Variants in WDFY2 observed in about 807,000 individuals in gnomAD.
WDFY2 encodes the protein WD repeat and FYVE domain containing 2.
In WDFY2, 36 loss-of-function variants were observed where a neutral mutation model predicts 56.4. The ratio of observed to expected loss-of-function variants is 0.64; its 90% confidence interval spans 0.49 to 0.84. The LOEUF is 0.84. Ranked by LOEUF, WDFY2 falls within the 40% of genes least tolerant of loss-of-function variation. WDFY2 has a pLI of 0.00. For synonymous variants in WDFY2, 176 were observed against 183.7 expected, an observed-to-expected ratio of 0.96 and a Z score of 0.34; for missense variants, 444 against 512.2, an observed-to-expected ratio of 0.87 and a Z score of 1.29.
rs1953117625 is a variant in WDFY2, at chr13:51,746,950, G to A, written c.726-4360G>A. On this transcript the variant is annotated intron_variant, in intron 7 of 11. Coordinates refer to ENST00000298125, the MANE Select transcript of WDFY2 (RefSeq NM_052950.4). ...GCCATCTGCATCCAGACTAAAAAGG[G>A]TCCAGAAATCCAAGGAAATCCTGAC... 2.0e-5 allele frequency among the ~76,000 whole-genome samples: 3 copies of A among 152,326 alleles called. No homozygotes were observed. In the South Asian group the frequency reaches 6.2e-4, roughly 32 times the overall value.
In WDFY2 at chr13:51,626,817, CTG is replaced by C. The variant is rs779645380; in HGVS notation, c.138-33776_138-33775del. On this transcript the variant is annotated intron_variant, in intron 1 of 11. Transcript: ENST00000298125. The stretch of plus-strand genomic sequence containing the variant: ...GTGTTGCTTTGCCAGCCAGGAACCT[CTG>C]TGGCCAGTGGTGCCTTCTGCCTGAG... 2.0e-3 allele frequency among the ~76,000 whole-genome samples: 306 copies of C among 152,328 alleles called. 2 individuals carry two copies. The highest frequency in any genetic ancestry group is 3.4e-3 in the Non-Finnish European group (228 of 68,024).
intron 1 of WDFY2, among the ~76,000 whole-genome samples, chr13:51,651,666 G>T (rs1157277305): frequency 1.3e-5 from 2 of 152,132 alleles, no homozygotes; most frequent in African/African-American, 4.8e-5. Flanking sequence ...CCTTGATTTT[G>T]TTATGTACCC....
chr13:51,622,853 C>CTT (rs59372497), intron 1 of WDFY2, among the ~76,000 whole-genome samples: 89 of 130,918 alleles, frequency 6.8e-4, no homozygotes, highest in East Asian at 1.6e-3. Flanking sequence ...TAACTTTACA[C>CTT]TTTTTTTTTT....
rs879497519 is a variant in WDFY2 at position 51,691,677 on chromosome 13, C to T, written c.280-11919C>T. On this transcript the variant is annotated intron_variant, in intron 3 of 11. Transcript: ENST00000298125. Reference sequence around the variant, plus strand: ...TTGGCTTAGGATTGACTTGGCGATGCGGGCTCTTTTTTGGTTCCATGTGAA... The same window carrying T: ...TTGGCTTAGGATTGACTTGGCGATGTGGGCTCTTTTTTGGTTCCATGTGAA... Among the ~76,000 whole-genome samples, 3 of 151,962 alleles carry T rather than the reference C, an allele frequency of 2.0e-5. 1 individual carries two copies. Among genetic ancestry groups the T allele is most frequent in the Middle Eastern group, 6.8e-3 (2 of 294 alleles).
chr13:51,695,678 T>C (rs1374552303), intron 3 of WDFY2, among the ~76,000 whole-genome samples: 4 of 152,106 alleles, frequency 2.6e-5, no homozygotes, highest in Non-Finnish European at 5.9e-5. Context: ...CTCAGATCTC[T>C]AGCTGTGTGC....
chr13:51,632,463 A>C (rs1294074747), intron 1 of WDFY2, among the ~76,000 whole-genome samples: 2 of 152,072 alleles, frequency 1.3e-5, no homozygotes, highest in East Asian at 3.8e-4. Context: ...TATATTTTTC[A>C]GTCATAATTT....
chr13:51,711,277 C>G (rs957063140), intron 4 of WDFY2, among the ~76,000 whole-genome samples: 4 of 152,200 alleles, frequency 2.6e-5, no homozygotes, highest in African/African-American at 9.7e-5. Context: ...ACACCTTATA[C>G]AAAAATTAAT....
At chr13:51,746,243 G>C (rs1420929450) in intron 7 of WDFY2, among the ~76,000 whole-genome samples, 2 of 152,084 alleles carry the variant, frequency 1.3e-5, no homozygotes, top group Non-Finnish European at 2.9e-5. Flanking sequence ...AGCCACTGCT[G>C]AACTGGACTT....
chr13:51,638,616 A>G (rs1955097520), intron 1 of WDFY2, among the ~76,000 whole-genome samples: 2 of 152,332 alleles, frequency 1.3e-5, no homozygotes, highest in South Asian at 4.1e-4. Flanking sequence ...TGCACACAAA[A>G]ATACCCATTC....
At chr13:51,700,860 G>C (rs1322385052) in intron 3 of WDFY2, among the ~76,000 whole-genome samples, 1 of 152,118 alleles carries the variant, frequency 6.6e-6, no homozygotes, top group African/African-American at 2.4e-5. Context: ...CCAACTACTC[G>C]GGAGGCTGAG....
chr13:51,678,328 A>G (rs1955921843), intron 3 of WDFY2, among the ~76,000 whole-genome samples: 1 of 152,148 alleles, frequency 6.6e-6, no homozygotes, highest in African/African-American at 2.4e-5. Flanking sequence ...TCCTTTTACA[A>G]ATTGGGAACT....
chr13:51,676,044 C>A (rs1250976280), intron 3 of WDFY2, among the ~76,000 whole-genome samples: 2 of 152,176 alleles, frequency 1.3e-5, no homozygotes, highest in African/African-American at 4.8e-5. Flanking sequence ...CACTTCCCCA[C>A]AGGGTGGAGG....
chr13:51,624,581 A>G (rs1423395311), intron 1 of WDFY2, among the ~76,000 whole-genome samples: 1 of 152,168 alleles, frequency 6.6e-6, no homozygotes, highest in Non-Finnish European at 1.5e-5. Context: ...TCTTGGGGGG[A>G]AAATACGTAA....
In WDFY2 at chr13:51,758,186, T is replaced by C. The variant is rs1321740680; in HGVS notation, c.1065-6T>C. The C allele has an allele frequency of 4.5e-6, 7 of 1,566,242 alleles. No homozygotes were observed. The highest frequency in any genetic ancestry group is 6.1e-6 in the Non-Finnish European group (7 of 1,144,322). On this transcript the variant is annotated splice_polypyrimidine_tract_variant and splice_region_variant and intron_variant, in intron 10 of 11. Coordinates refer to ENST00000298125, the MANE Select transcript of WDFY2 (RefSeq NM_052950.4). ...TCCCCTCAGAAGCTTTCTTTGCTCC[T>C]TCTAGACGTGCACCCACAGCCACCT...
chr13:51,682,741 T>C (rs1359114396), intron 3 of WDFY2, among the ~76,000 whole-genome samples: 1 of 152,134 alleles, frequency 6.6e-6, no homozygotes, highest in African/African-American at 2.4e-5. Context: ...TATCAAATGC[T>C]CCATAAATAT....
At chr13:51,692,558 T>C (rs954656814) in intron 3 of WDFY2, among the ~76,000 whole-genome samples, 6 of 152,204 alleles carry the variant, frequency 3.9e-5, no homozygotes, top group Admixed American at 1.3e-4. Flanking sequence ...TTGATCATGG[T>C]GGATAAGCTT....
intron 1 of WDFY2, among the ~76,000 whole-genome samples, chr13:51,616,821 A>AC (rs1954626636): frequency 6.6e-6 from 1 of 152,248 alleles, no homozygotes; most frequent in South Asian, 2.1e-4. Flanking sequence ...GAGATGAGTT[A>AC]CCATATGTAA....
intron 1 of WDFY2, among the ~76,000 whole-genome samples, chr13:51,603,001 A>G (rs1314782800): frequency 1.3e-5 from 2 of 152,126 alleles, no homozygotes; most frequent in Non-Finnish European, 1.5e-5. Context: ...ATTGGACTGA[A>G]TGCTGTGATC....
At chr13:51,628,103 C>A (rs1344649992) in intron 1 of WDFY2, among the ~76,000 whole-genome samples, 1 of 152,218 alleles carries the variant, frequency 6.6e-6, no homozygotes, top group Non-Finnish European at 1.5e-5. Context: ...GGACCCACCC[C>A]TTTCTGCCCA....
Sources: gnomAD v4.1 joint callset for allele counts (sites outside exome capture counted in the v4.1 genomes callset) on GRCh38, gnomAD v4.1.1 for gene constraint, MANE v1.5 for transcripts, NCBI Gene and HGNC (gene_info 2026-07-23, HGNC 2026-07-21) for gene names.